TBC1D22A: variants seen among roughly 807,000 people sequenced by gnomAD.
TBC1D22A encodes the protein putative GTPase activator.
A neutral mutation model predicts 60.2 loss-of-function variants in TBC1D22A; 38 were observed. The observed-to-expected ratio is 0.63, with a 90% CI of 0.49 to 0.83. The LOEUF is 0.83. Ranked by LOEUF, TBC1D22A falls within the 40% of genes least tolerant of loss-of-function variation. The probability of loss-of-function intolerance (pLI) is 0.00; values close to 1 mark genes in which losing one functional copy is unlikely to be tolerated. For synonymous variants in TBC1D22A, 302 were observed against 281.7 expected, an observed-to-expected ratio of 1.07 and a Z score of -0.72; for missense variants, 628 against 701.0, an observed-to-expected ratio of 0.90 and a Z score of 1.18.
chr22:46,807,726 C>T (rs1264723784), intron 4 of TBC1D22A, among the ~76,000 whole-genome samples: 1 of 152,220 alleles, frequency 6.6e-6, no homozygotes, highest in African/African-American at 2.4e-5. Context: ...CCAGTAGCAA[C>T]AATCACTTGA....
chr22:47,108,549 C>A (rs1200291757), intron 11 of TBC1D22A, among the ~76,000 whole-genome samples: 1 of 152,108 alleles, frequency 6.6e-6, no homozygotes, highest in Non-Finnish European at 1.5e-5. Context: ...ACTGGGAGGG[C>A]TCAAAGGGAG....
At chr22:47,052,146 C>T (rs2063245478) in intron 11 of TBC1D22A, among the ~76,000 whole-genome samples, 1 of 152,220 alleles carries the variant, frequency 6.6e-6, no homozygotes, top group African/African-American at 2.4e-5. Context: ...GAGCAGCAGA[C>T]AGCACAGGGA....
chr22:47,053,773 C>T (rs186529636), intron 11 of TBC1D22A, among the ~76,000 whole-genome samples: 21 of 152,336 alleles, frequency 1.4e-4, no homozygotes, highest in Non-Finnish European at 2.6e-4. Context: ...GCGCTCCAGG[C>T]GCTGGTTTGG....
At chr22:46,904,107 CT>C (rs1333474482) in intron 7 of TBC1D22A, among the ~76,000 whole-genome samples, 3 of 58,506 alleles carry the variant, frequency 5.1e-5, no homozygotes, top group African/African-American at 2.2e-4. Flanking sequence ...ATCTATCTAT[CT>C]ATCTATCTAT....
intron 11 of TBC1D22A, among the ~76,000 whole-genome samples, chr22:47,095,289 A>T (rs536276018): frequency 9.2e-5 from 14 of 152,386 alleles, no homozygotes; most frequent in African/African-American, 3.1e-4. Context: ...AACCACATCT[A>T]TGTAAATACG....
chr22:46,812,464 C>G (rs1365691277), intron 4 of TBC1D22A, among the ~76,000 whole-genome samples: 1 of 152,186 alleles, frequency 6.6e-6, no homozygotes, highest in Non-Finnish European at 1.5e-5. Flanking sequence ...AGTTTGCAGG[C>G]TCTGGGGCTC....
chr22:46,890,922 G>T (rs557712268), intron 5 of TBC1D22A, among the ~76,000 whole-genome samples: 1 of 152,196 alleles, frequency 6.6e-6, no homozygotes, highest in African/African-American at 2.4e-5. Context: ...CTAGAGAAGC[G>T]CTTGTTTCAT....
At chr22:47,086,687 T>C (rs973254405) in intron 11 of TBC1D22A, among the ~76,000 whole-genome samples, 6 of 152,096 alleles carry the variant, frequency 3.9e-5, no homozygotes, top group Non-Finnish European at 8.8e-5. Flanking sequence ...GCCGTCAGCC[T>C]ATGGGGACTT....
intron 1 of TBC1D22A, among the ~76,000 whole-genome samples, chr22:46,778,846 G>C (rs568990722): frequency 7.2e-5 from 11 of 152,078 alleles, no homozygotes; most frequent in Non-Finnish European, 1.6e-4. Context: ...GAGTTCGAAA[G>C]CAGCCTGGCC....
chr22:47,173,304 C>T (rs2068562660), intron 12 of TBC1D22A, among the ~76,000 whole-genome samples, 194 bp from the exon 13 acceptor site: 1 of 152,156 alleles, frequency 6.6e-6, no homozygotes, highest in South Asian at 2.1e-4. Flanking sequence ...TCCTGGGTCA[C>T]CCACCCTCCA....
At chr22:46,991,521 A>G (rs2074939359) in intron 9 of TBC1D22A, among the ~76,000 whole-genome samples, 1 of 152,260 alleles carries the variant, frequency 6.6e-6, no homozygotes, top group South Asian at 2.1e-4. Context: ...CCGAGCAGTC[A>G]GCTCAGCAGA....
intron 11 of TBC1D22A, among the ~76,000 whole-genome samples, chr22:47,088,933 G>A (rs557417019): frequency 5.3e-5 from 8 of 152,296 alleles, no homozygotes; most frequent in South Asian, 2.1e-4. Context: ...CCTTTAGACC[G>A]CAGTCCTGCT....
chr22:46,974,577 G>A (rs1379447117), intron 9 of TBC1D22A, among the ~76,000 whole-genome samples, 178 bp downstream of exon 9: 2 of 152,242 alleles, frequency 1.3e-5, no homozygotes, highest in Non-Finnish European at 2.9e-5. Flanking sequence ...GAGACACAGT[G>A]TATGTGCCCC....
intron 4 of TBC1D22A, among the ~76,000 whole-genome samples, chr22:46,842,741 A>G (rs1280067678): frequency 6.6e-6 from 1 of 152,226 alleles, no homozygotes; most frequent in African/African-American, 2.4e-5. Context: ...CAGTGCACAC[A>G]CTGTGTAGCC....
intron 9 of TBC1D22A, among the ~76,000 whole-genome samples, chr22:46,989,649 C>A (rs910370824): frequency 6.6e-6 from 1 of 151,786 alleles, no homozygotes; most frequent in African/African-American, 2.4e-5. Flanking sequence ...GTTTGTGGTA[C>A]CCTAAAACAA....
chr22:46,967,893 G>A (rs907083186), intron 8 of TBC1D22A, among the ~76,000 whole-genome samples: 10 of 151,910 alleles, frequency 6.6e-5, no homozygotes, highest in Admixed American at 5.9e-4. Flanking sequence ...TACAAGCTAC[G>A]ATTCCAGTGC....
chr22:46,839,201 C>G (rs2086645710), intron 4 of TBC1D22A, among the ~76,000 whole-genome samples: 1 of 152,016 alleles, frequency 6.6e-6, no homozygotes, highest in African/African-American at 2.4e-5. Flanking sequence ...TATACACTAA[C>G]AACAACTCTC....
At chr22:47,103,014 A>C (rs980259722) in intron 11 of TBC1D22A, among the ~76,000 whole-genome samples, 3 of 152,150 alleles carry the variant, frequency 2.0e-5, no homozygotes, top group Non-Finnish European at 4.4e-5. Context: ...GGTATTTAAA[A>C]GGAAAGACAC....
intron 10 of TBC1D22A, 36 bp downstream of exon 10, chr22:46,997,745 CG>C (rs2075169125): frequency 6.2e-7 from 1 of 1,602,598 alleles, no homozygotes. Flanking sequence ...TCTCTGTGGG[CG>C]GGGGGAGGTG....
Sources: allele counts gnomAD v4.1 joint callset (sites outside exome capture counted in the v4.1 genomes callset), GRCh38; gene constraint gnomAD v4.1.1; transcripts MANE v1.5; gene names NCBI Gene and HGNC (gene_info 2026-07-23, HGNC 2026-07-21).